Variants in CD36 observed in about 807,000 individuals in gnomAD.
CD36 encodes the protein CD36 molecule (CD36 blood group), also known as platelet glycoprotein 4.
Under a neutral mutation model 55.2 loss-of-function variants are expected in CD36, and 119 were observed. That is an observed-to-expected ratio of 2.15 (90% CI 1.86 to 2.51). The LOEUF (loss-of-function observed/expected upper bound fraction) is 2.51, where lower values mean the gene tolerates loss of function less well. Ranked by LOEUF, CD36 falls within the 30% of genes most tolerant of loss-of-function variation. The pLI, the probability that CD36 is intolerant of heterozygous loss-of-function variation, is 0.00. For synonymous variants in CD36, 186 were observed against 193.6 expected (o/e 0.96, Z 0.33); for missense variants, 819 against 555.5 (o/e 1.47, Z -4.77).
intron 7 of CD36, among the ~76,000 whole-genome samples, chr7:80,665,413 C>CTCAAACTGAGTCTATGTAATGATTGCTTT (rs1796979577): frequency 2.0e-5 from 3 of 150,892 alleles, no homozygotes; most frequent in Non-Finnish European, 4.4e-5. Flanking sequence ...TAACCCCTAC[C>CTCAAACTGAGTCTATGTAATGATTGCTTT]TCAAACTGAG....
intron 1 of CD36, among the ~76,000 whole-genome samples, chr7:80,611,957 A>G (rs1380507435): frequency 1.3e-5 from 2 of 152,202 alleles, no homozygotes; most frequent in East Asian, 3.9e-4. Flanking sequence ...TCACAGAATG[A>G]TTTTATCTAA....
At chr7:80,665,614 A>G (rs1797005799) in intron 7 of CD36, among the ~76,000 whole-genome samples, 1 of 152,112 alleles carries the variant, frequency 6.6e-6, no homozygotes, top group African/African-American at 2.4e-5. Flanking sequence ...CTAATATTAC[A>G]GAGAGATGTG....
At chr7:80,661,317 A>G in intron 5 of CD36, 107 bp downstream of exon 5, 1 of 1,063,114 alleles carries the variant, frequency 9.4e-7, no homozygotes, top group South Asian at 1.3e-5. Context: ...CATTTTTATC[A>G]AAACGTATTC....
intron 13 of CD36, 128 bp downstream of exon 13, chr7:80,673,537 CATTT>C (rs1797940180): frequency 4.3e-6 from 3 of 697,598 alleles, no homozygotes; most frequent in Non-Finnish European, 7.8e-6. Context: ...GATGAGTATA[CATTT>C]ATTTAACCTA....
At chr7:80,669,489 A>G (rs1377049612) in intron 8 of CD36, among the ~76,000 whole-genome samples, 1 of 152,080 alleles carries the variant, frequency 6.6e-6, no homozygotes, top group African/African-American at 2.4e-5. Context: ...GTGCAATGGC[A>G]TGATCTTGGC....
At chr7:80,658,754 G>A (rs966843072) in intron 4 of CD36, among the ~76,000 whole-genome samples, 1 of 152,084 alleles carries the variant, frequency 6.6e-6, no homozygotes, top group East Asian at 1.9e-4. Context: ...CCTTGGCCTC[G>A]CAAAGTGTTG....
At chr7:80,641,854 C>T (rs1206186988) in intron 1 of CD36, among the ~76,000 whole-genome samples, 1 of 151,704 alleles carries the variant, frequency 6.6e-6, no homozygotes. Flanking sequence ...TTGCAAAAAG[C>T]TTAGTCTCTG....
chr7:80,673,802 G>C (rs1046832591), intron 13 of CD36, 181 bp from the exon 14 acceptor site: 1 of 641,238 alleles, frequency 1.6e-6, no homozygotes, highest in African/African-American at 1.8e-5. Flanking sequence ...GAAGAGTACC[G>C]TACTCTATCT....
intron 4 of CD36, among the ~76,000 whole-genome samples, chr7:80,658,407 G>A (rs750428088): frequency 4.4e-5 from 6 of 137,916 alleles, no homozygotes; most frequent in Non-Finnish European, 1.0e-4. Context: ...GTAAGTGTGA[G>A]GAAAGAAAAT....
chr7:80,673,124 C>A, intron 12 of CD36: 1 of 508,818 alleles, frequency 2.0e-6, no homozygotes, highest in Non-Finnish European at 3.5e-6. Context: ...ATTTCAGTTC[C>A]CCGAGAATTT....
chr7:80,641,942 CA>C (rs35775198), intron 1 of CD36, among the ~76,000 whole-genome samples: 93,628 of 147,922 alleles, frequency 0.63, 29,478 homozygotes, highest in East Asian at 0.75. Flanking sequence ...ACCTGATAAC[CA>C]AAAAAAAAAA....
chr7:80,671,946 C>CTCATTTTCTGTAT lies in CD36; in HGVS notation c.1032_1044dup (p.Ala349SerfsTer8). 3 of 1,611,312 alleles carry CTCATTTTCTGTAT rather than the reference C, an allele frequency of 1.9e-6. 1 individual carries two copies. In the South Asian group the frequency reaches 3.3e-5, roughly 18 times the overall value. On this transcript the variant is annotated frameshift_variant, in exon 11 of 15. Coordinates refer to ENST00000447544, the MANE Select transcript of CD36 (RefSeq NM_001001548.3). LOFTEE classifies it high-confidence loss of function. ...GGGAGACCTGTGTACATTTCACTTC[C>CTCATTTTCTGTAT]TCATTTTCTGTATGCAAGTCCTGAT... is the stretch of plus-strand genomic sequence containing the variant.
chr7:80,604,350 ATTTTTTTTTTTTTTTTTTTTTTTT>A (rs67213422), intron 1 of CD36, among the ~76,000 whole-genome samples: 14 of 54,298 alleles, frequency 2.6e-4, no homozygotes, highest in Admixed American at 8.3e-4. Flanking sequence ...AGCCACTGGA[ATTTTTTTTTTTTTTTTTTTTTTTT>A]TTTTTTTTTT....
intron 2 of CD36, chr7:80,646,421 A>C (rs1795170485): frequency 3.0e-6 from 1 of 337,834 alleles, no homozygotes; most frequent in Non-Finnish European, 5.8e-6. Context: ...AAAATTAAAA[A>C]GGAGGAATAT....
intron 1 of CD36, among the ~76,000 whole-genome samples, chr7:80,642,039 A>AATCT (rs1376071769): frequency 6.6e-6 from 1 of 152,126 alleles, no homozygotes; most frequent in Non-Finnish European, 1.5e-5. Flanking sequence ...TAGGATTTAT[A>AATCT]ATCTATAAAC....
intron 8 of CD36, 106 bp from the exon 9 acceptor site, chr7:80,669,847 G>T: frequency 1.2e-6 from 1 of 804,690 alleles, no homozygotes; most frequent in East Asian, 2.4e-5. Flanking sequence ...AAATTACTTA[G>T]GCAGTTTGCA....
chr7:80,632,788 A>G lies in CD36; in HGVS notation c.-183-13300A>G, dbSNP rs189650717. Among the ~76,000 whole-genome samples, 14 of 152,020 alleles carry G rather than the reference A, an allele frequency of 9.2e-5. No individual in the cohort carries two copies. The East Asian group carries it at 2.3e-3, about 25-fold the overall frequency. On this transcript the variant is annotated intron_variant, in intron 1 of 13. Coordinates refer to the CD36 transcript ENST00000309881. The stretch of plus-strand genomic sequence containing the variant: ...TATTTCTCTGAACCTTCTCAAAATT[A>G]TTTATTTTATTTTAAAGACTCCACT...
chr7:80,635,866 G>T (rs1391338709), upstream of CD36, among the ~76,000 whole-genome samples: 1 of 152,070 alleles, frequency 6.6e-6, no homozygotes, highest in African/African-American at 2.4e-5. Context: ...TACTTGTAAA[G>T]CATTATGATG....
intron 1 of CD36, among the ~76,000 whole-genome samples, chr7:80,620,803 A>G (rs1453610200): frequency 6.6e-6 from 1 of 152,228 alleles, no homozygotes; most frequent in African/African-American, 2.4e-5. Flanking sequence ...GTTAAGGGAA[A>G]TAAGAACCAG....
Sources: gnomAD v4.1 joint callset for allele counts (sites outside exome capture counted in the v4.1 genomes callset) on GRCh38, gnomAD v4.1.1 for gene constraint, MANE v1.5 for transcripts, NCBI Gene and HGNC (gene_info 2026-07-23, HGNC 2026-07-21) for gene names.